The following VAV3 variants were observed in gnomAD, a reference collection of about 807,000 sequenced individuals.
The protein encoded by VAV3 is guanine nucleotide exchange factor VAV3.
A neutral mutation model predicts 131.2 loss-of-function variants in VAV3; 94 were observed. The observed-to-expected ratio is 0.72, with a 90% CI of 0.61 to 0.85. The LOEUF is 0.85. Ranked by LOEUF, VAV3 falls within the 40% of genes least tolerant of loss-of-function variation. The pLI, the probability that VAV3 is intolerant of heterozygous loss-of-function variation, is 0.00. For missense variants in VAV3, 939 were observed against 1,002.7 expected (o/e 0.94, Z 0.86); for synonymous variants, 349 against 342.0 (o/e 1.02, Z -0.22).
intron 13 of VAV3, among the ~76,000 whole-genome samples, chr1:107,750,097 T>C (rs1232838480): frequency 1.3e-5 from 2 of 152,176 alleles, no homozygotes; most frequent in African/African-American, 4.8e-5. Context: ...TTCATTTTAT[T>C]GAGGAGGAAA....
chr1:107,851,396 G>GAAAAAA (rs74262709), intron 2 of VAV3, among the ~76,000 whole-genome samples: 1 of 74,978 alleles, frequency 1.3e-5, no homozygotes, highest in Non-Finnish European at 2.8e-5. Context: ...AAAACACTCA[G>GAAAAAA]AAAAAAAAAA....
At chr1:107,730,852 T>C (rs1228736373) in intron 15 of VAV3, among the ~76,000 whole-genome samples, 1 of 152,182 alleles carries the variant, frequency 6.6e-6, no homozygotes, top group African/African-American at 2.4e-5. Flanking sequence ...CAGTAGGTGT[T>C]CTTGCTACAA....
chr1:107,870,415 G>A (rs750346260), intron 2 of VAV3, among the ~76,000 whole-genome samples: 6 of 152,058 alleles, frequency 3.9e-5, no homozygotes, highest in African/African-American at 1.4e-4. Flanking sequence ...TCATATGTTT[G>A]TTGGCCATTT....
chr1:107,784,360 T>C (rs573529454), intron 2 of VAV3, among the ~76,000 whole-genome samples: 1 of 152,348 alleles, frequency 6.6e-6, no homozygotes, highest in East Asian at 1.9e-4. Context: ...CATTTCAGTG[T>C]ATATAAACAG....
At chr1:107,941,424 A>G (rs1673991116) in intron 1 of VAV3, among the ~76,000 whole-genome samples, 1 of 152,162 alleles carries the variant, frequency 6.6e-6, no homozygotes, top group African/African-American at 2.4e-5. Flanking sequence ...GAGGAAGGTC[A>G]TCTCTTAGTC....
intron 21 of VAV3, among the ~76,000 whole-genome samples, chr1:107,610,866 C>T (rs903078071): frequency 2.6e-5 from 4 of 152,104 alleles, no homozygotes; most frequent in Non-Finnish European, 4.4e-5. Context: ...GCATTCCATG[C>T]TATTAATGGG....
At chr1:107,848,727 A>G (rs1571038494) in intron 2 of VAV3, among the ~76,000 whole-genome samples, 2 of 152,224 alleles carry the variant, frequency 1.3e-5, no homozygotes, top group African/African-American at 4.8e-5. Context: ...TGGACAGGGC[A>G]ATCAGGAAAG....
chr1:107,851,827 G>C (rs1321396558), intron 2 of VAV3, among the ~76,000 whole-genome samples: 1 of 152,174 alleles, frequency 6.6e-6, no homozygotes, highest in Non-Finnish European at 1.5e-5. Context: ...GATCGATTCA[G>C]TATAGCGCCT....
intron 25 of VAV3, among the ~76,000 whole-genome samples, 197 bp from the exon 26 acceptor site, chr1:107,574,395 A>C (rs943951282): frequency 6.6e-6 from 1 of 152,254 alleles, no homozygotes; most frequent in Non-Finnish European, 1.5e-5. Context: ...TCGCTTCATA[A>C]GTTTAAAGAA....
At chr1:107,953,760 G>C (rs767069774) in intron 1 of VAV3, among the ~76,000 whole-genome samples, 1 of 152,096 alleles carries the variant, frequency 6.6e-6, no homozygotes, top group Non-Finnish European at 1.5e-5. Context: ...GAAGCACGAC[G>C]CTTGTTTATT....
At chr1:107,652,499 CT>C (rs1314586693) in intron 19 of VAV3, among the ~76,000 whole-genome samples, 2 of 152,144 alleles carry the variant, frequency 1.3e-5, no homozygotes, top group Non-Finnish European at 2.9e-5. Flanking sequence ...GATCCAAGAA[CT>C]CTCTCTTGGG....
At chr1:107,617,670 T>C (rs1653267042) in intron 20 of VAV3, 38 bp from the exon 21 acceptor site, 5 of 1,590,460 alleles carry the variant, frequency 3.1e-6, no homozygotes, top group Non-Finnish European at 4.3e-6. Flanking sequence ...TGAGAACAAA[T>C]TTACCACAAA....
chr1:107,877,650 A>G (rs1670568221), intron 1 of VAV3, among the ~76,000 whole-genome samples: 1 of 152,196 alleles, frequency 6.6e-6, no homozygotes, highest in African/African-American at 2.4e-5. Context: ...TTTGAAAGTC[A>G]CTTATATACT....
At chr1:107,947,804 A>G (rs1674340353) in intron 1 of VAV3, among the ~76,000 whole-genome samples, 1 of 152,184 alleles carries the variant, frequency 6.6e-6, no homozygotes, top group Non-Finnish European at 1.5e-5. Flanking sequence ...CATTAAGGCC[A>G]ATGTGAAGGA....
chr1:107,721,214 T>C (rs1241704400), intron 15 of VAV3, among the ~76,000 whole-genome samples: 1 of 152,096 alleles, frequency 6.6e-6, no homozygotes, highest in Admixed American at 6.6e-5. Context: ...TGGACAGCTA[T>C]GGTGGGGGAG....
intron 15 of VAV3, among the ~76,000 whole-genome samples, chr1:107,741,228 T>A (rs1663002252): frequency 6.6e-6 from 1 of 152,246 alleles, no homozygotes; most frequent in Non-Finnish European, 1.5e-5. Flanking sequence ...AAACCTTTAA[T>A]AATAGAAACA....
intron 17 of VAV3, among the ~76,000 whole-genome samples, chr1:107,691,269 C>T (rs960831968): frequency 6.6e-6 from 1 of 152,102 alleles, no homozygotes; most frequent in Admixed American, 6.6e-5. Context: ...TTCATTCTGG[C>T]TGAAAAAATG....
At chr1:107,594,445 CAA>C (rs897628692) in intron 25 of VAV3, among the ~76,000 whole-genome samples, 1 of 150,738 alleles carries the variant, frequency 6.6e-6, no homozygotes, top group South Asian at 2.1e-4. Flanking sequence ...TTCACAATTA[CAA>C]AAAAAAAGTT....
chr1:107,679,998 A>G (rs1658490078), intron 19 of VAV3, among the ~76,000 whole-genome samples: 1 of 152,202 alleles, frequency 6.6e-6, no homozygotes, highest in South Asian at 2.1e-4. Flanking sequence ...TTATTAGCAC[A>G]CAATAGAAGA....
Sources: gnomAD v4.1 joint callset for allele counts (sites outside exome capture counted in the v4.1 genomes callset) on GRCh38, gnomAD v4.1.1 for gene constraint, MANE v1.5 for transcripts, NCBI Gene and HGNC (gene_info 2026-07-23, HGNC 2026-07-21) for gene names.